Variants in ESR1 observed in about 807,000 individuals in gnomAD.
ESR1 encodes the protein estrogen receptor.
In ESR1, 12 loss-of-function variants were observed where a neutral mutation model predicts 52.7. That is an observed-to-expected ratio of 0.23 (90% CI 0.15 to 0.37). The LOEUF (loss-of-function observed/expected upper bound fraction) is 0.37, where lower values mean the gene tolerates loss of function less well. Ranked by LOEUF, ESR1 falls within the 10% of genes least tolerant of loss-of-function variation. The pLI is 1.00. For missense variants in ESR1, 584 were observed against 779.7 expected (o/e 0.75, Z 2.99); for synonymous variants, 305 against 316.8 (o/e 0.96, Z 0.39).
intron 2 of ESR1, among the ~76,000 whole-genome samples, chr6:151,774,900 C>A (rs1259765697): frequency 6.6e-6 from 1 of 152,220 alleles, no homozygotes; most frequent in Non-Finnish European, 1.5e-5. Flanking sequence ...GCTCTACATT[C>A]AAACTGCTTT....
At chr6:152,026,622 T>C (rs2044165385) in intron 5 of ESR1, among the ~76,000 whole-genome samples, 1 of 151,654 alleles carries the variant, frequency 6.6e-6, no homozygotes, top group South Asian at 2.1e-4. Context: ...TTATTATATA[T>C]TAAATTGTCT....
At chr6:152,008,058 T>C (rs1584781158) in intron 4 of ESR1, among the ~76,000 whole-genome samples, 1 of 152,096 alleles carries the variant, frequency 6.6e-6, no homozygotes, top group Non-Finnish European at 1.5e-5. Flanking sequence ...ATTATTTTTC[T>C]CCATTGGCTA....
intron 5 of ESR1, among the ~76,000 whole-genome samples, chr6:152,059,487 T>G (rs534282787): frequency 1.3e-5 from 2 of 152,016 alleles, no homozygotes; most frequent in Admixed American, 1.3e-4. Flanking sequence ...AAAATACATA[T>G]GACAAATGGC....
intron 2 of ESR1, among the ~76,000 whole-genome samples, chr6:151,796,441 G>T (rs1020810880): frequency 6.6e-6 from 1 of 152,072 alleles, no homozygotes; most frequent in Non-Finnish European, 1.5e-5. Context: ...TGCAGGCAGA[G>T]GTGAAAGATT....
intron 2 of ESR1, among the ~76,000 whole-genome samples, chr6:151,758,601 A>C (rs1206796328): frequency 6.6e-6 from 1 of 151,988 alleles, no homozygotes; most frequent in Non-Finnish European, 1.5e-5. Context: ...TCTCTACTAA[A>C]ACTACAAAAA....
intron 2 of ESR1, among the ~76,000 whole-genome samples, chr6:151,717,091 C>A (rs1367905229): frequency 2.0e-5 from 3 of 152,200 alleles, no homozygotes; most frequent in Non-Finnish European, 4.4e-5. Context: ...TCCCTCAGGG[C>A]TTCCCTTGGC....
chr6:152,127,698 G>T (rs937486483), exon 7 of ESR1: 2 of 152,180 alleles, frequency 1.3e-5, no homozygotes, highest in Admixed American at 6.5e-5. Context: ...ATCTGCCTTA[G>T]AGGGGAGAGG....
intron 3 of ESR1, among the ~76,000 whole-genome samples, chr6:151,905,061 G>A (rs1405823149): frequency 6.6e-6 from 1 of 152,110 alleles, no homozygotes; most frequent in Non-Finnish European, 1.5e-5. Flanking sequence ...ACAAACAGCA[G>A]CACAAACTCC....
intron 3 of ESR1, among the ~76,000 whole-genome samples, chr6:151,894,984 T>C (rs1019776889): frequency 2.4e-4 from 36 of 152,310 alleles, no homozygotes; most frequent in Admixed American, 2.4e-3. Flanking sequence ...GGCAGTATGA[T>C]CATTTTCACA....
intron 5 of ESR1, among the ~76,000 whole-genome samples, chr6:152,030,970 C>T (rs1418487112): frequency 6.6e-6 from 1 of 152,164 alleles, no homozygotes; most frequent in Admixed American, 6.5e-5. Context: ...AACTAGAACT[C>T]AGGATTAAGA....
At chr6:151,861,288 A>G (rs911906067) in intron 2 of ESR1, among the ~76,000 whole-genome samples, 3 of 152,232 alleles carry the variant, frequency 2.0e-5, no homozygotes, top group East Asian at 1.9e-4. Flanking sequence ...GCTAAATTTC[A>G]TAATAACCTT....
At chr6:151,712,010 T>G (rs1780651581) in intron 2 of ESR1, among the ~76,000 whole-genome samples, 1 of 152,144 alleles carries the variant, frequency 6.6e-6, no homozygotes, top group Non-Finnish European at 1.5e-5. Context: ...AATCTTGAGT[T>G]AATTTTTGTA....
At chr6:151,664,864 A>T (rs537822901) in intron 1 of ESR1, among the ~76,000 whole-genome samples, 1 of 152,314 alleles carries the variant, frequency 6.6e-6, no homozygotes, top group South Asian at 2.1e-4. Flanking sequence ...TCCTGAATTG[A>T]GAACGAGGTA....
At chr6:151,779,274 G>A (rs59454198) in intron 2 of ESR1, among the ~76,000 whole-genome samples, 2 of 152,004 alleles carry the variant, frequency 1.3e-5, no homozygotes, top group African/African-American at 4.8e-5. Context: ...TTTGTATAAG[G>A]TATAAGGAAG....
chr6:152,111,527 C>A (rs1585275151), intron 6 of ESR1, among the ~76,000 whole-genome samples: 1 of 152,190 alleles, frequency 6.6e-6, no homozygotes, highest in South Asian at 2.1e-4. Context: ...GTGGGAAAGG[C>A]CAGTGAAAGG....
chr6:151,761,335 C>T (rs997132472), intron 2 of ESR1, among the ~76,000 whole-genome samples: 4 of 151,808 alleles, frequency 2.6e-5, no homozygotes, highest in Non-Finnish European at 4.4e-5. Flanking sequence ...ATAGTAGAAA[C>T]AATCATGAAT....
chr6:151,806,185 A>G (rs146836284), upstream of ESR1, among the ~76,000 whole-genome samples: 2 of 152,180 alleles, frequency 1.3e-5, no homozygotes, highest in African/African-American at 2.4e-5. Flanking sequence ...TTAACCCTTT[A>G]TTTGCTGACA....
chr6:151,987,302 A>G (rs976876118), intron 4 of ESR1, among the ~76,000 whole-genome samples: 5 of 152,076 alleles, frequency 3.3e-5, no homozygotes, highest in African/African-American at 1.2e-4. Context: ...TCTGTTGCCC[A>G]GGCTGGAGTA....
At chr6:152,001,856 G>A (rs896177351) in intron 4 of ESR1, among the ~76,000 whole-genome samples, 1 of 151,998 alleles carries the variant, frequency 6.6e-6, no homozygotes, top group African/African-American at 2.4e-5. Context: ...ACTATAGAAA[G>A]ACTGGAGGGA....
Sources: gnomAD v4.1 joint callset for allele counts (sites outside exome capture counted in the v4.1 genomes callset) on GRCh38, gnomAD v4.1.1 for gene constraint, MANE v1.5 for transcripts, NCBI Gene and HGNC (gene_info 2026-07-23, HGNC 2026-07-21) for gene names.